Variants in SLC2A13 observed in about 807,000 individuals in gnomAD.
SLC2A13 encodes proton myo-inositol cotransporter.
Under a neutral mutation model 64.4 loss-of-function variants are expected in SLC2A13, and 32 were observed. That is an observed-to-expected ratio of 0.50 (90% CI 0.37 to 0.67). The LOEUF is 0.67. Among genes scored for constraint, SLC2A13 ranks in the 30% least tolerant of loss-of-function variants. The probability of loss-of-function intolerance (pLI) is 0.00; values close to 1 mark genes in which losing one functional copy is unlikely to be tolerated. For synonymous variants in SLC2A13, 338 were observed against 327.1 expected (o/e 1.03, Z -0.36); for missense variants, 743 against 829.2 (o/e 0.90, Z 1.28).
intron 2 of SLC2A13, among the ~76,000 whole-genome samples, chr12:40,041,604 A>G (rs1454205333): frequency 6.6e-6 from 1 of 152,204 alleles, no homozygotes; most frequent in Non-Finnish European, 1.5e-5. Context: ...CCATCTTTCC[A>G]TCTCTAGTAT....
chr12:39,798,087 G>A (rs1204587225), intron 7 of SLC2A13, among the ~76,000 whole-genome samples: 1 of 152,174 alleles, frequency 6.6e-6, no homozygotes, highest in Non-Finnish European at 1.5e-5. Flanking sequence ...CACTTTGGAG[G>A]AAGCTAGCTA....
chr12:40,057,847 T>C (rs2136247809), intron 1 of SLC2A13, among the ~76,000 whole-genome samples: 1 of 152,286 alleles, frequency 6.6e-6, no homozygotes, highest in South Asian at 2.1e-4. Flanking sequence ...CCACCTTAAT[T>C]ACCAAAGATC....
At chr12:39,968,395 A>G (rs1167790685) in intron 3 of SLC2A13, among the ~76,000 whole-genome samples, 1 of 152,148 alleles carries the variant, frequency 6.6e-6, no homozygotes, top group African/African-American at 2.4e-5. Context: ...CATGGGGATT[A>G]TGGGAACTAC....
At chr12:40,075,894 A>G (rs1180262467) in intron 1 of SLC2A13, among the ~76,000 whole-genome samples, 1 of 151,772 alleles carries the variant, frequency 6.6e-6, no homozygotes, top group African/African-American at 2.4e-5. Context: ...AAATCAATCC[A>G]TTTTCCATTT....
intron 4 of SLC2A13, among the ~76,000 whole-genome samples, chr12:39,920,215 C>CT (rs1945591921): frequency 6.6e-6 from 1 of 151,912 alleles, no homozygotes; most frequent in South Asian, 2.1e-4. Flanking sequence ...ATTTTTTAAC[C>CT]TTTTTTCTAT....
intron 6 of SLC2A13, among the ~76,000 whole-genome samples, chr12:39,839,197 C>T (rs1943112061): frequency 6.6e-6 from 1 of 152,070 alleles, no homozygotes; most frequent in African/African-American, 2.4e-5. Context: ...CCGCCACTAC[C>T]AGTCGGGACA....
In SLC2A13 at chr12:39,759,527, A is replaced by G. The variant is rs765968835; in HGVS notation, c.*499T>C. On this transcript the variant is annotated 3_prime_UTR_variant, in exon 10 of 10. Transcript: ENST00000280871. Reference sequence around the variant, plus strand: ...AATTTGTTGATGAAAGCTTACATGGAATTTAGTTTGTAACAGCTGATCAGA... The same window carrying G: ...AATTTGTTGATGAAAGCTTACATGGGATTTAGTTTGTAACAGCTGATCAGA... 3.3e-5 allele frequency: 5 copies of G among 152,972 alleles called. No homozygotes were observed. The highest frequency in any genetic ancestry group is 5.9e-5 in the Non-Finnish European group (4 of 68,310). 9.5% of individuals were successfully genotyped at this position (152,972 alleles called of 1,614,324 possible). A position where few individuals can be genotyped will look rare whatever the true frequency, so the allele number is the denominator to read the frequency against.
intron 7 of SLC2A13, among the ~76,000 whole-genome samples, chr12:39,785,000 A>G (rs111611727): frequency 4.6e-5 from 7 of 152,222 alleles, no homozygotes; most frequent in Non-Finnish European, 7.3e-5. Flanking sequence ...GAAACAGAAC[A>G]TAAAAGTTAG....
intron 7 of SLC2A13, among the ~76,000 whole-genome samples, chr12:39,775,107 C>A (rs1486704220): frequency 6.6e-6 from 1 of 152,160 alleles, no homozygotes; most frequent in Non-Finnish European, 1.5e-5. Flanking sequence ...ATGTACTTTT[C>A]TCTGTGCTTT....
intron 2 of SLC2A13, among the ~76,000 whole-genome samples, chr12:40,035,726 T>C (rs775877532): frequency 9.2e-5 from 14 of 152,250 alleles, no homozygotes; most frequent in Non-Finnish European, 1.6e-4. Flanking sequence ...TAAGTAAACA[T>C]AACAAAATAT....
intron 7 of SLC2A13, among the ~76,000 whole-genome samples, chr12:39,790,547 A>T: frequency 6.8e-6 from 1 of 147,202 alleles, no homozygotes; most frequent in African/African-American, 2.5e-5. Context: ...AAGGACATGA[A>T]CTCATCCTTT....
At chr12:40,007,604 A>C (rs1033561035) in intron 3 of SLC2A13, among the ~76,000 whole-genome samples, 1 of 152,200 alleles carries the variant, frequency 6.6e-6, no homozygotes, top group East Asian at 1.9e-4. Context: ...TATATAGTAC[A>C]TTGAAGAGTG....
At chr12:39,767,796 T>C (rs1158438582) in intron 7 of SLC2A13, among the ~76,000 whole-genome samples, 1 of 152,066 alleles carries the variant, frequency 6.6e-6, no homozygotes, top group East Asian at 1.9e-4. Context: ...GAGTGAGTTC[T>C]CATGAGATCT....
chr12:39,935,307 C>T (rs1352821195), intron 4 of SLC2A13, among the ~76,000 whole-genome samples: 1 of 152,166 alleles, frequency 6.6e-6, no homozygotes, highest in East Asian at 1.9e-4. Flanking sequence ...TCATTATAGC[C>T]TGTCACTAAT....
intron 4 of SLC2A13, among the ~76,000 whole-genome samples, chr12:39,928,615 T>A (rs1461320819): frequency 6.6e-6 from 1 of 152,188 alleles, no homozygotes; most frequent in East Asian, 1.9e-4. Flanking sequence ...GTCTCAAGAT[T>A]TTTAAATGGC....
intron 7 of SLC2A13, among the ~76,000 whole-genome samples, chr12:39,825,730 G>A (rs1015497304): frequency 1.3e-5 from 2 of 151,976 alleles, no homozygotes; most frequent in Admixed American, 1.3e-4. Context: ...TATTGCAAGA[G>A]GTTTCCACAT....
intron 3 of SLC2A13, among the ~76,000 whole-genome samples, chr12:39,982,525 C>T: frequency 6.6e-6 from 1 of 151,336 alleles, no homozygotes; most frequent in African/African-American, 2.4e-5. Flanking sequence ...CATTCTTATA[C>T]ACCAACAACA....
At chr12:39,823,261 T>C (rs1566831198) in intron 7 of SLC2A13, among the ~76,000 whole-genome samples, 1 of 152,224 alleles carries the variant, frequency 6.6e-6, no homozygotes, top group Non-Finnish European at 1.5e-5. Context: ...TGGTAAAAAT[T>C]AACTTTGAGC....
chr12:39,780,417 A>G (rs1187479557), intron 7 of SLC2A13, among the ~76,000 whole-genome samples: 1 of 152,194 alleles, frequency 6.6e-6, no homozygotes, highest in Non-Finnish European at 1.5e-5. Flanking sequence ...CTAAGTTAGC[A>G]TTCTTTTTAA....
Sources: allele counts gnomAD v4.1 joint callset (sites outside exome capture counted in the v4.1 genomes callset), GRCh38; gene constraint gnomAD v4.1.1; transcripts MANE v1.5; gene names NCBI Gene and HGNC (gene_info 2026-07-23, HGNC 2026-07-21).